The following RBPJ variants were observed in gnomAD, a reference collection of about 807,000 sequenced individuals.
The protein encoded by RBPJ is recombination signal binding protein for immunoglobulin kappa J region.
RBPJ carries 9 observed loss-of-function variants against 67.8 expected under a neutral mutation model. The ratio of observed to expected loss-of-function variants is 0.13; its 90% confidence interval spans 0.08 to 0.23. The LOEUF (loss-of-function observed/expected upper bound fraction) is 0.23. Among genes scored for constraint, RBPJ ranks in the 10% least tolerant of loss-of-function variants. The pLI is 1.00. For synonymous variants in RBPJ, 198 were observed against 203.3 expected, an observed-to-expected ratio of 0.97 and a Z score of 0.22; for missense variants, 305 against 595.6, an observed-to-expected ratio of 0.51 and a Z score of 5.08.
intron 1 of RBPJ, among the ~76,000 whole-genome samples, chr4:26,292,894 T>C (rs931208686): frequency 2.0e-5 from 3 of 150,740 alleles, no homozygotes; most frequent in African/African-American, 7.3e-5. Flanking sequence ...TTCCATGTCT[T>C]GGCTATTGTG....
chr4:26,124,377 AT>A, the RBPJ span, among the ~76,000 whole-genome samples: 1 of 138,796 alleles, frequency 7.2e-6, no homozygotes, highest in Non-Finnish European at 1.5e-5. Flanking sequence ...TGTGAATGCC[AT>A]TAACTCATTC....
intron 3 of RBPJ, among the ~76,000 whole-genome samples, chr4:26,410,963 C>T (rs1376393466): frequency 6.6e-5 from 10 of 152,142 alleles, no homozygotes; most frequent in Non-Finnish European, 1.2e-4. Context: ...ATAAAGGCAA[C>T]GTGTTTTATA....
At chr4:26,266,256 A>T (rs977239624) in intron 1 of RBPJ, among the ~76,000 whole-genome samples, 1 of 152,164 alleles carries the variant, frequency 6.6e-6, no homozygotes, top group Admixed American at 6.6e-5. Flanking sequence ...GAGAAAAAAA[A>T]TATTTTCCTC....
intron 1 of RBPJ, among the ~76,000 whole-genome samples, chr4:26,285,102 AC>A (rs2109279574): frequency 2.0e-5 from 3 of 152,048 alleles, no homozygotes; most frequent in Admixed American, 2.0e-4. Flanking sequence ...TGATCCGCCC[AC>A]CTCGGCCTCC....
chr4:26,291,145 T>G (rs1721653887), intron 1 of RBPJ, among the ~76,000 whole-genome samples: 2 of 150,906 alleles, frequency 1.3e-5, no homozygotes. Flanking sequence ...TGTTAATCTT[T>G]GTGGAACAAT....
chr4:26,340,636 G>T (rs1015081618), intron 1 of RBPJ, among the ~76,000 whole-genome samples: 2 of 152,068 alleles, frequency 1.3e-5, no homozygotes, highest in African/African-American at 4.8e-5. Context: ...GAGGTGGGTG[G>T]ATAATGAGGT....
the RBPJ span, among the ~76,000 whole-genome samples, chr4:26,129,201 A>G: frequency 6.6e-6 from 1 of 152,208 alleles, no homozygotes; most frequent in Non-Finnish European, 1.5e-5. Context: ...AGAGAAGTAA[A>G]TTAATAATCA....
At chr4:26,343,498 C>T (rs1725763963) in intron 1 of RBPJ, among the ~76,000 whole-genome samples, 1 of 151,856 alleles carries the variant, frequency 6.6e-6, no homozygotes, top group Non-Finnish European at 1.5e-5. Context: ...TAGTTTAAGG[C>T]ATAGTGTATG....
At chr4:26,263,661 T>A (rs2109253391) in intron 1 of RBPJ, among the ~76,000 whole-genome samples, 1 of 152,180 alleles carries the variant, frequency 6.6e-6, no homozygotes, top group South Asian at 2.1e-4. Context: ...AACCTCCACT[T>A]CCCGGATTAG....
intron 1 of RBPJ, among the ~76,000 whole-genome samples, chr4:26,244,806 G>A (rs1418295639): frequency 6.6e-6 from 1 of 151,822 alleles, no homozygotes; most frequent in Non-Finnish European, 1.5e-5. Flanking sequence ...GGCTAATTTT[G>A]TATTTTTAGT....
At chr4:26,381,446 T>C (rs1730326609) in intron 1 of RBPJ, among the ~76,000 whole-genome samples, 1 of 152,138 alleles carries the variant, frequency 6.6e-6, no homozygotes, top group Non-Finnish European at 1.5e-5. Flanking sequence ...AAAAATCTCA[T>C]ACTTCCAGGT....
intron 1 of RBPJ, among the ~76,000 whole-genome samples, chr4:26,376,452 CAG>C (rs996748210): frequency 3.9e-5 from 6 of 152,318 alleles, no homozygotes; most frequent in Admixed American, 1.3e-4. Flanking sequence ...TGTAACATAT[CAG>C]AATTTCCTTT....
the RBPJ span, among the ~76,000 whole-genome samples, chr4:26,126,167 T>A: frequency 6.6e-6 from 1 of 152,256 alleles, no homozygotes; most frequent in Non-Finnish European, 1.5e-5. Context: ...TTAAAAAGTC[T>A]GCACTTTTTA....
chr4:26,318,055 G>T (rs1053117112), upstream of RBPJ, among the ~76,000 whole-genome samples: 2 of 152,066 alleles, frequency 1.3e-5, no homozygotes, highest in Non-Finnish European at 2.9e-5. Context: ...CTTGCACTGA[G>T]ATATTGCACC....
intron 1 of RBPJ, among the ~76,000 whole-genome samples, chr4:26,383,685 ATCGTATGCTACAG>A (rs1730537825): frequency 6.6e-6 from 1 of 152,138 alleles, no homozygotes; most frequent in South Asian, 2.1e-4. Context: ...TTTTATTGTA[ATCGTATGCTACAG>A]TGGTACATTT....
the RBPJ span, among the ~76,000 whole-genome samples, chr4:26,110,507 C>A: frequency 6.6e-6 from 1 of 152,190 alleles, no homozygotes; most frequent in Non-Finnish European, 1.5e-5. This position sits in a 1 kb window ranked among gnomAD's most constrained non-coding sequence, Gnocchi z 4.5. Context: ...TGACTTCTAG[C>A]AGCCAAAACC....
intron 2 of RBPJ, among the ~76,000 whole-genome samples, chr4:26,398,208 C>T (rs1042536863): frequency 6.6e-6 from 1 of 152,062 alleles, no homozygotes; most frequent in Admixed American, 6.6e-5. Context: ...ATTTGAGAAG[C>T]GCAGAGAGTG....
upstream of RBPJ, among the ~76,000 whole-genome samples, chr4:26,320,280 G>A (rs923457826): frequency 2.0e-5 from 3 of 152,218 alleles, no homozygotes; most frequent in African/African-American, 7.2e-5. Context: ...GTCTTTGCTA[G>A]AGGCCTTGGC....
chr4:26,253,363 G>A (rs1054515399), intron 1 of RBPJ, among the ~76,000 whole-genome samples: 5 of 138,864 alleles, frequency 3.6e-5, no homozygotes, highest in Non-Finnish European at 3.0e-5. Context: ...CCAGGCTGGA[G>A]TGCAGTGGCG....
Sources: allele counts gnomAD v4.1 joint callset (sites outside exome capture counted in the v4.1 genomes callset), GRCh38; gene constraint gnomAD v4.1.1; non-coding constraint Gnocchi (gnomAD v3.1); transcripts MANE v1.5; gene names NCBI Gene and HGNC (gene_info 2026-07-23, HGNC 2026-07-21).